The following DCDC2C variants were observed in gnomAD, a reference collection of about 807,000 sequenced individuals.
DCDC2C encodes the protein doublecortin domain containing 2C.
Under a neutral mutation model 45.0 loss-of-function variants are expected in DCDC2C, and 44 were observed. The observed-to-expected ratio is 0.98, with a 90% CI of 0.77 to 1.26. DCDC2C has a LOEUF of 1.26. DCDC2C is among the 50% of genes most tolerant of loss of function. The pLI, the probability that DCDC2C is intolerant of heterozygous loss-of-function variation, is 0.00. For missense variants in DCDC2C, 447 were observed against 468.9 expected, an observed-to-expected ratio of 0.95 and a Z score of 0.43; for synonymous variants, 187 against 178.8, an observed-to-expected ratio of 1.05 and a Z score of -0.37.
At chr2:3,714,124 A>G (rs1381543688) in intron 2 of DCDC2C, among the ~76,000 whole-genome samples, 2 of 152,206 alleles carry the variant, frequency 1.3e-5, no homozygotes, top group East Asian at 1.9e-4. Flanking sequence ...AAATATATTA[A>G]TGGGAAAATT....
chr2:3,805,008 C>A (rs757422586), intron 10 of DCDC2C, among the ~76,000 whole-genome samples: 16 of 152,178 alleles, frequency 1.1e-4, no homozygotes, highest in Non-Finnish European at 1.6e-4. Flanking sequence ...TCTGTTTTCC[C>A]TTTATTGATA....
chr2:3,710,450 A>T (rs544563367), intron 2 of DCDC2C, among the ~76,000 whole-genome samples: 27 of 152,216 alleles, frequency 1.8e-4, no homozygotes, highest in Admixed American at 1.6e-3. Context: ...AAGCGAGGAC[A>T]TGTGGTGTTT....
chr2:3,708,775 A>G (rs1668133076), intron 2 of DCDC2C, among the ~76,000 whole-genome samples, 175 bp downstream of exon 2: 3 of 152,248 alleles, frequency 2.0e-5, no homozygotes, highest in Admixed American at 2.0e-4. Context: ...AAAGCACTGA[A>G]GTAACCAAGT....
At chr2:3,777,823 C>T (rs949273419) in intron 8 of DCDC2C, among the ~76,000 whole-genome samples, 57 of 152,328 alleles carry the variant, frequency 3.7e-4, no homozygotes, top group African/African-American at 1.3e-3. Context: ...CTTCATGGCT[C>T]ATTACTAATG....
At chr2:3,783,940 A>G (rs963610556) in intron 9 of DCDC2C, among the ~76,000 whole-genome samples, 7 of 152,250 alleles carry the variant, frequency 4.6e-5, no homozygotes, top group Admixed American at 1.3e-4. Context: ...AATATTTGCA[A>G]TACAAATCAA....
At chr2:3,723,378 G>A (rs942731857) in intron 2 of DCDC2C, among the ~76,000 whole-genome samples, 5 of 152,158 alleles carry the variant, frequency 3.3e-5, no homozygotes, top group Non-Finnish European at 5.9e-5. Context: ...AGCTGACGTC[G>A]AAGTGACTTC....
At chr2:3,742,260 C>T (rs995487542) in intron 4 of DCDC2C, among the ~76,000 whole-genome samples, 2 of 152,224 alleles carry the variant, frequency 1.3e-5, no homozygotes, top group Non-Finnish European at 2.9e-5. Context: ...AACCATTGAG[C>T]ATCTACCATG....
intron 10 of DCDC2C, among the ~76,000 whole-genome samples, chr2:3,800,501 C>A (rs1671087526): frequency 6.6e-6 from 1 of 152,140 alleles, no homozygotes. Context: ...TGCCTGCCAG[C>A]CCCCCAAGAA....
chr2:3,779,957 G>A (rs182707844), intron 9 of DCDC2C, among the ~76,000 whole-genome samples: 1 of 152,202 alleles, frequency 6.6e-6, no homozygotes, highest in East Asian at 1.9e-4. Flanking sequence ...GTTAGTTCAG[G>A]TTTTTTAGAA....
At chr2:3,714,653 A>G (rs1668304183) in intron 2 of DCDC2C, among the ~76,000 whole-genome samples, 1 of 152,216 alleles carries the variant, frequency 6.6e-6, no homozygotes, top group African/African-American at 2.4e-5. Flanking sequence ...CTACCAATGA[A>G]TCTAACTCAA....
Position 3,727,127 on chromosome 2 carries a change from C to A in DCDC2C, c.416+48C>A. On this transcript the variant is annotated intron_variant, in intron 3 of 10. Coordinates refer to ENST00000399143, the MANE Select transcript of DCDC2C (RefSeq NM_001287444.2). ...AAAAATCAAACTGTGCCATAACTCC[C>A]TAAAAACAATACTTTCTATCCTGAC... The A allele has an allele frequency of 2.1e-6, 3 of 1,440,654 alleles. No homozygotes were observed. In the South Asian group the frequency reaches 3.7e-5, roughly 18 times the overall value. The allele number at this position is 1,440,654 out of a possible 1,614,324, so 89.2% of individuals were successfully genotyped here. A position where few individuals can be genotyped will look rare whatever the true frequency, so the allele number is the denominator to read the frequency against.
intron 10 of DCDC2C, among the ~76,000 whole-genome samples, chr2:3,817,884 T>C (rs1321559087): frequency 6.6e-6 from 1 of 152,116 alleles, no homozygotes; most frequent in Non-Finnish European, 1.5e-5. Flanking sequence ...GTCAGGGTGA[T>C]AAAACTAGGT....
At position 3,703,936 on chromosome 2, in the gene DCDC2C, G is replaced by T. The variant is rs1260611821; in HGVS notation, c.185G>T (p.Arg62Leu). 1 of 1,328,066 alleles carries T rather than the reference G, an allele frequency of 7.5e-7. No individual in the cohort carries two copies. Among genetic ancestry groups the T allele is most frequent in the South Asian group, 2.0e-5 (1 of 51,212 alleles). 82.3% of individuals were successfully genotyped at this position (1,328,066 alleles called of 1,614,324 possible). A position where few individuals can be genotyped will look rare whatever the true frequency, so the allele number is the denominator to read the frequency against. The part of the protein sequence containing the change: ...EQVDVPFGVR[R>L]LFTPTRGHRV... Reference sequence around the variant, plus strand: ...GTGGACGTCCCGTTCGGCGTGCGCCGCCTCTTCACGCCCACGCGTGGGCAC... The same window carrying T: ...GTGGACGTCCCGTTCGGCGTGCGCCTCCTCTTCACGCCCACGCGTGGGCAC... The change falls in exon 1 of 11, where the codon CGC becomes CTC. Residue 62 changes from arginine (R) to leucine (L), a missense_variant. Arg to Leu is a moderately radical substitution (Grantham distance 102). Coordinates refer to ENST00000399143, the MANE Select transcript of DCDC2C (RefSeq NM_001287444.2). This position sits in a 1 kb window ranked among gnomAD's most constrained non-coding sequence, Gnocchi z 4.4.
intron 7 of DCDC2C, 23 bp downstream of exon 7, chr2:3,767,903 T>C (rs1670058036): frequency 7.6e-6 from 11 of 1,446,154 alleles, no homozygotes; most frequent in African/African-American, 1.5e-5. Flanking sequence ...TTCATTCTGC[T>C]GTAGGCAGTT....
intron 6 of DCDC2C, among the ~76,000 whole-genome samples, chr2:3,759,517 G>A (rs1050235043): frequency 1.3e-5 from 2 of 152,092 alleles, no homozygotes; most frequent in Non-Finnish European, 2.9e-5. Context: ...GTAGCACCTC[G>A]AGATGACTGT....
At chr2:3,706,458 A>G (rs1221890044) in intron 1 of DCDC2C, among the ~76,000 whole-genome samples, 4 of 152,242 alleles carry the variant, frequency 2.6e-5, no homozygotes, top group Non-Finnish European at 5.9e-5. Flanking sequence ...GACGTGTCAT[A>G]TAAAGCCTAG....
At chr2:3,766,519 G>T (rs1257897196) in intron 6 of DCDC2C, among the ~76,000 whole-genome samples, 1 of 152,166 alleles carries the variant, frequency 6.6e-6, no homozygotes. Context: ...TTAAGAACAT[G>T]ATTTCAGCTC....
chr2:3,728,447 C>T (rs961962845), intron 3 of DCDC2C, among the ~76,000 whole-genome samples: 3 of 152,298 alleles, frequency 2.0e-5, no homozygotes, highest in East Asian at 1.9e-4. Context: ...CAGGGAACGT[C>T]GTTGGTTTGT....
chr2:3,727,525 C>G (rs985244646), intron 3 of DCDC2C, among the ~76,000 whole-genome samples: 1 of 152,142 alleles, frequency 6.6e-6, no homozygotes, highest in Admixed American at 6.5e-5. Context: ...CCAAAAGGCC[C>G]TCATGGGCTA....
Sources: allele counts gnomAD v4.1 joint callset (sites outside exome capture counted in the v4.1 genomes callset), GRCh38; gene constraint gnomAD v4.1.1; non-coding constraint Gnocchi (gnomAD v3.1); transcripts MANE v1.5; gene names NCBI Gene and HGNC (gene_info 2026-07-23, HGNC 2026-07-21).